The following CNTN3 variants were observed in gnomAD, a reference collection of about 807,000 sequenced individuals.
The protein encoded by CNTN3 is contactin 3.
Under a neutral mutation model 119.1 loss-of-function variants are expected in CNTN3, and 60 were observed. The ratio of observed to expected loss-of-function variants is 0.50; its 90% confidence interval spans 0.41 to 0.62. The LOEUF is 0.62. Among genes scored for constraint, CNTN3 ranks in the 20% least tolerant of loss-of-function variants. CNTN3 has a pLI of 0.00. For synonymous variants in CNTN3, 450 were observed against 438.7 expected (o/e 1.03, Z -0.32); for missense variants, 1,101 against 1,242.4 (o/e 0.89, Z 1.71).
At chr3:74,343,435 T>G (rs1251852059) in intron 11 of CNTN3, among the ~76,000 whole-genome samples, 1 of 152,230 alleles carries the variant, frequency 6.6e-6, no homozygotes, top group Non-Finnish European at 1.5e-5. Context: ...GTTACTCCAG[T>G]GATTGTCCTT....
chr3:74,550,014 C>T (rs1559654123), intron 1 of CNTN3, among the ~76,000 whole-genome samples: 2 of 152,130 alleles, frequency 1.3e-5, no homozygotes, highest in Non-Finnish European at 2.9e-5. Flanking sequence ...CAGAACTGCC[C>T]ATCATAACCT....
At chr3:74,301,864 A>G (rs1702465708) in intron 14 of CNTN3, 59 bp from the exon 15 acceptor site, 1 of 1,553,464 alleles carries the variant, frequency 6.4e-7, no homozygotes, top group Non-Finnish European at 8.8e-7. Flanking sequence ...ATCCTCTCCT[A>G]TCAAAGAGAA....
intron 1 of CNTN3, among the ~76,000 whole-genome samples, chr3:74,573,889 C>T (rs1272105271): frequency 6.6e-6 from 1 of 152,018 alleles, no homozygotes; most frequent in Non-Finnish European, 1.5e-5. Context: ...AACAGGCTGG[C>T]CATTTTCCAA....
rs543232961 is a variant in CNTN3, at chr3:74,458,108, C to T, written c.358+28348G>A. 3.3e-5 allele frequency among the ~76,000 whole-genome samples: 5 copies of T among 152,072 alleles called. No individual in the cohort carries two copies. In the East Asian group the frequency reaches 9.7e-4, roughly 30 times the overall value. ...CTGTCACCCTCAGTCAATCTATCAG[C>T]AAAAGTAATTCTATAGAGACTGAAG... On this transcript the variant is annotated intron_variant, in intron 4 of 22. Transcript: ENST00000263665.
chr3:74,488,616 T>C (rs954943545), intron 3 of CNTN3, among the ~76,000 whole-genome samples: 2 of 152,208 alleles, frequency 1.3e-5, no homozygotes, highest in African/African-American at 4.8e-5. Context: ...TGGGTGAGTT[T>C]ATAAGTTTAA....
chr3:74,535,758 G>A (rs1703755368), intron 1 of CNTN3, among the ~76,000 whole-genome samples: 1 of 151,932 alleles, frequency 6.6e-6, no homozygotes, highest in South Asian at 2.1e-4. Flanking sequence ...TTTTATTTTT[G>A]TAATATATTT....
At chr3:74,417,133 G>A (rs936186445) in intron 5 of CNTN3, among the ~76,000 whole-genome samples, 9 of 152,094 alleles carry the variant, frequency 5.9e-5, no homozygotes, top group African/African-American at 1.9e-4. Context: ...GTTCTGTTAG[G>A]AGCAATAAGC....
At chr3:74,564,341 T>A (rs1334254547) in intron 1 of CNTN3, among the ~76,000 whole-genome samples, 1 of 151,968 alleles carries the variant, frequency 6.6e-6, no homozygotes, top group African/African-American at 2.4e-5. Flanking sequence ...CAGGATATGG[T>A]ACAGAATGAT....
rs1175099051 is a variant in CNTN3 at position 74,418,234 on chromosome 3, C to T, written c.454+6611G>A. ...AAAGAGACAAAGTATTGCTATGTTG[C>T]CTAGTCTGGTTTCAAACTCCTGGCC... On this transcript the variant is annotated intron_variant, in intron 5 of 22. Coordinates refer to ENST00000263665, the MANE Select transcript of CNTN3 (RefSeq NM_020872.3). 2.0e-5 allele frequency among the ~76,000 whole-genome samples: 3 copies of T among 151,946 alleles called. No individual in the cohort carries two copies. In the East Asian group the frequency reaches 5.8e-4, roughly 29 times the overall value.
chr3:74,456,686 T>C (rs1471892040), intron 4 of CNTN3, among the ~76,000 whole-genome samples: 1 of 152,074 alleles, frequency 6.6e-6, no homozygotes, highest in Non-Finnish European at 1.5e-5. Flanking sequence ...AACATTTCTT[T>C]AAATAGGAAG....
chr3:74,502,199 A>T (rs1373592200), intron 2 of CNTN3, among the ~76,000 whole-genome samples: 1 of 152,160 alleles, frequency 6.6e-6, no homozygotes, highest in Non-Finnish European at 1.5e-5. Flanking sequence ...ACATAATGGT[A>T]TAAATTTGGA....
intron 4 of CNTN3, among the ~76,000 whole-genome samples, chr3:74,431,259 T>A (rs997639713): frequency 1.4e-4 from 22 of 152,320 alleles, no homozygotes; most frequent in African/African-American, 5.1e-4. Context: ...GGGGTCACTC[T>A]GACTTTTTTT....
At position 74,267,667 on chromosome 3, in the gene CNTN3, A is replaced by G. The variant is rs985762246; in HGVS notation, c.2705-289T>C. The G allele has an allele frequency of 2.2e-4, 68 of 313,396 alleles. No homozygotes were observed. In the East Asian group the frequency reaches 4.1e-3, roughly 19 times the overall value. The allele number at this position is 313,396 out of a possible 1,614,324, so 19.4% of individuals were successfully genotyped here. On this transcript the variant is annotated intron_variant, in intron 20 of 22. Coordinates refer to ENST00000263665, the MANE Select transcript of CNTN3 (RefSeq NM_020872.3). The stretch of plus-strand genomic sequence containing the variant: ...TAAAAGTCCCAAAAAAGGCATTTCA[A>G]TTAATGTGTAAGATAATTCATTTTA...
At chr3:74,547,144 C>T (rs1036165328) in intron 1 of CNTN3, among the ~76,000 whole-genome samples, 8 of 152,136 alleles carry the variant, frequency 5.3e-5, no homozygotes, top group Non-Finnish European at 8.8e-5. Flanking sequence ...TTCATTTACA[C>T]GTACACATTC....
At chr3:74,549,964 GA>G (rs1449699772) in intron 1 of CNTN3, among the ~76,000 whole-genome samples, 1 of 152,086 alleles carries the variant, frequency 6.6e-6, no homozygotes, top group Non-Finnish European at 1.5e-5. Flanking sequence ...GCTGAGTAGA[GA>G]AAGATGCCTG....
At chr3:74,492,351 T>A (rs1575779065) in intron 3 of CNTN3, among the ~76,000 whole-genome samples, 1 of 152,296 alleles carries the variant, frequency 6.6e-6, no homozygotes, top group East Asian at 1.9e-4. Context: ...GTTACTGGCC[T>A]ACTTAAGGGA....
chr3:74,463,298 A>T (rs1334134991), intron 4 of CNTN3, among the ~76,000 whole-genome samples: 1 of 152,140 alleles, frequency 6.6e-6, no homozygotes, highest in Admixed American at 6.6e-5. Context: ...AGAGTTTAGT[A>T]TCTATGAATA....
intron 1 of CNTN3, among the ~76,000 whole-genome samples, chr3:74,552,357 T>G (rs1457405486): frequency 6.6e-6 from 1 of 152,178 alleles, no homozygotes; most frequent in Admixed American, 6.5e-5. Flanking sequence ...GTATGCCTCA[T>G]TTTTTAGGAG....
At chr3:74,518,629 G>T (rs1340385563) in intron 2 of CNTN3, among the ~76,000 whole-genome samples, 1 of 151,826 alleles carries the variant, frequency 6.6e-6, no homozygotes, top group Admixed American at 6.6e-5. Context: ...TTTTAAGAGT[G>T]GTGTTATTAA....
Sources: allele counts gnomAD v4.1 joint callset (sites outside exome capture counted in the v4.1 genomes callset), GRCh38; gene constraint gnomAD v4.1.1; transcripts MANE v1.5; gene names NCBI Gene and HGNC (gene_info 2026-07-23, HGNC 2026-07-21).